TRIM9: variants seen among roughly 807,000 people sequenced by gnomAD.
TRIM9 encodes E3 ubiquitin-protein ligase TRIM9.
In TRIM9, 26 loss-of-function variants were observed where a neutral mutation model predicts 78.3. The observed-to-expected ratio is 0.33, with a 90% CI of 0.24 to 0.46. The LOEUF (loss-of-function observed/expected upper bound fraction) is 0.46. Among genes scored for constraint, TRIM9 ranks in the 20% least tolerant of loss-of-function variants. The pLI is 1.00. For missense variants in TRIM9, 787 were observed against 1,036.4 expected (o/e 0.76, Z 3.30); for synonymous variants, 398 against 416.5 (o/e 0.96, Z 0.54).
intron 1 of TRIM9, among the ~76,000 whole-genome samples, chr14:51,050,500 A>G (rs1403115493): frequency 6.6e-6 from 1 of 151,970 alleles, no homozygotes; most frequent in East Asian, 1.9e-4. Context: ...TTTCTTTATA[A>G]ATTACCCAGT....
intron 1 of TRIM9, among the ~76,000 whole-genome samples, chr14:51,042,300 T>C (rs774018282): frequency 5.2e-4 from 79 of 151,964 alleles, no homozygotes; most frequent in Admixed American, 1.2e-3. Context: ...TTTTGTGCAC[T>C]TCCCTTGTCC....
At chr14:51,027,315 T>C (rs750319131) in intron 1 of TRIM9, among the ~76,000 whole-genome samples, 1 of 152,044 alleles carries the variant, frequency 6.6e-6, no homozygotes, top group South Asian at 2.1e-4. Flanking sequence ...AGTGAACTTT[T>C]GTATTTTTAG....
At chr14:50,991,092 C>T (rs976729181) in intron 7 of TRIM9, among the ~76,000 whole-genome samples, 1 of 152,198 alleles carries the variant, frequency 6.6e-6, no homozygotes, top group Non-Finnish European at 1.5e-5. Context: ...ACCCCAAGGA[C>T]AGATGCATAC....
chr14:51,008,969 A>G (rs2056212589), intron 5 of TRIM9, 111 bp downstream of exon 5: 1 of 1,059,752 alleles, frequency 9.4e-7, no homozygotes, highest in Non-Finnish European at 1.4e-6. Flanking sequence ...TACATAAGTT[A>G]GAAGCCACTC....
At position 51,009,101 on chromosome 14, in the gene TRIM9, G is replaced by A; in HGVS notation, c.1285C>T (p.Leu429=). ...NSPLLQSIHQ[L]DFVQVKASSP... Reference sequence around the variant, plus strand: ...ATACCTTTCACTTGCACGAAATCCAGCTGGTGGATGGATTGCAGCAGAGGG... The same window carrying A: ...ATACCTTTCACTTGCACGAAATCCAACTGGTGGATGGATTGCAGCAGAGGG... Residue 429 remains leucine, a synonymous_variant, in exon 5 of 13, where the codon CTG becomes TTG. Coordinates refer to ENST00000684578, the MANE Select transcript of TRIM9 (RefSeq NM_001387360.1). 6.2e-7 allele frequency: 1 copy of A among 1,613,986 alleles called. No homozygotes were observed. The highest frequency in any genetic ancestry group is 8.5e-7 in the Non-Finnish European group (1 of 1,179,904).
chr14:50,983,076 T>C, intron 9 of TRIM9, 111 bp from the exon 10 acceptor site: 1 of 1,044,318 alleles, frequency 9.6e-7, no homozygotes. Flanking sequence ...GGACTCAATT[T>C]AAAATGCCAC....
At chr14:51,058,882 T>C (rs897776826) in intron 1 of TRIM9, among the ~76,000 whole-genome samples, 2 of 152,220 alleles carry the variant, frequency 1.3e-5, no homozygotes, top group African/African-American at 4.8e-5. Context: ...TAGTGAGTTA[T>C]ATTCTTAGCT....
intron 7 of TRIM9, chr14:50,997,197 G>A: frequency 5.1e-6 from 5 of 985,380 alleles, no homozygotes; most frequent in Non-Finnish European, 6.0e-6. Flanking sequence ...AATTTCATGT[G>A]TCTTGCTTAC....
At chr14:51,036,719 C>T (rs1037587792) in intron 1 of TRIM9, among the ~76,000 whole-genome samples, 9 of 152,260 alleles carry the variant, frequency 5.9e-5, no homozygotes, top group Admixed American at 2.0e-4. Context: ...AATCTATTTA[C>T]GCAGAACCCA....
intron 1 of TRIM9, among the ~76,000 whole-genome samples, chr14:51,050,041 C>T (rs768099748): frequency 3.0e-4 from 45 of 151,934 alleles, no homozygotes; most frequent in Middle Eastern, 3.4e-3. Context: ...GATGCAGAGC[C>T]GTGAGACAGT....
intron 1 of TRIM9, among the ~76,000 whole-genome samples, chr14:51,058,281 C>A (rs2061049868): frequency 6.6e-6 from 1 of 152,130 alleles, no homozygotes; most frequent in African/African-American, 2.4e-5. Context: ...ATCTGAACAT[C>A]CTTGAGCTAG....
chr14:51,060,809 T>C (rs999969062), intron 1 of TRIM9, among the ~76,000 whole-genome samples: 1 of 152,234 alleles, frequency 6.6e-6, no homozygotes, highest in Non-Finnish European at 1.5e-5. Flanking sequence ...TCTTACATGA[T>C]TGCATATACC....
chr14:51,047,698 A>T (rs1418488873), intron 1 of TRIM9, among the ~76,000 whole-genome samples: 1 of 152,184 alleles, frequency 6.6e-6, no homozygotes, highest in African/African-American at 2.4e-5. Flanking sequence ...AACAATCTGT[A>T]TCAGGTAAAA....
chr14:51,022,009 T>C (rs1427220899), intron 3 of TRIM9, among the ~76,000 whole-genome samples: 1 of 152,208 alleles, frequency 6.6e-6, no homozygotes, highest in East Asian at 1.9e-4. Flanking sequence ...TGCCTGTGTA[T>C]GGCCACCCTA....
rs142997233 is a variant in TRIM9 at position 51,018,777 on chromosome 14, C to T, written c.1041+4058G>A. Among the ~76,000 whole-genome samples the T allele has an allele frequency of 1.9e-3, 295 of 152,290 alleles. 1 individual carries two copies. The highest frequency in any genetic ancestry group is 6.9e-3 in the African/African-American group (288 of 41,556). On this transcript the variant is annotated intron_variant, in intron 3 of 12. Coordinates refer to ENST00000684578, the MANE Select transcript of TRIM9 (RefSeq NM_001387360.1). ...TGGTATGTTAAATTTACCAACCACACATGGAAACTGAAAGCTAGAATTTTT... is the reference window on the plus strand; with the variant it reads ...TGGTATGTTAAATTTACCAACCACATATGGAAACTGAAAGCTAGAATTTTT...
Position 51,000,801 on chromosome 14 carries a change from T to A in TRIM9, c.1346A>T (p.Glu449Val). ...GCTGTTGTTGTGGGTACAACATTCC[T>A]CCAGCTGTAGGATAGGGGTTGCTGG... The part of the protein sequence containing the change: ...PVPATPILQL[E>V]ECCTHNNSAT... Residue 449 changes from glutamate (E) to valine (V), a missense_variant, in exon 6 of 13, where the codon GAG becomes GTG. By Grantham distance (121) the Glu-to-Val change is moderately radical. Around this residue, in one of 3 missense-constraint regions of TRIM9, gnomAD observed 421 missense variants for 514.3 expected, o/e 0.82. Coordinates refer to ENST00000684578, the MANE Select transcript of TRIM9 (RefSeq NM_001387360.1). The A allele has an allele frequency of 6.2e-7, 1 of 1,614,176 alleles. No homozygotes were observed. The highest frequency in any genetic ancestry group is 8.5e-7 in the Non-Finnish European group (1 of 1,180,028).
chr14:51,064,960 G>A (rs1018574200), intron 1 of TRIM9, among the ~76,000 whole-genome samples: 5 of 152,254 alleles, frequency 3.3e-5, no homozygotes, highest in African/African-American at 1.2e-4. Flanking sequence ...GGTGAACTCT[G>A]ACTGGCTCCT....
chr14:51,029,097 G>C (rs551898461), intron 1 of TRIM9, among the ~76,000 whole-genome samples: 5 of 152,256 alleles, frequency 3.3e-5, no homozygotes, highest in Admixed American at 1.3e-4. Flanking sequence ...CCAGGCAGAA[G>C]ACAGTATCTT....
At position 51,011,854 on chromosome 14, in the gene TRIM9, T is replaced by C. The variant is rs577285737; in HGVS notation, c.1042-1360A>G. Among the ~76,000 whole-genome samples, 6 of 152,318 alleles carry C rather than the reference T, an allele frequency of 3.9e-5. No homozygotes were observed. The South Asian group carries it at 1.0e-3, about 26-fold the overall frequency. ...GTTGCAGTCATTGTATATGACAATT[T>C]TACCTTCCCTTTCCCCCAACTTAAT... On this transcript the variant is annotated intron_variant, in intron 3 of 12. Coordinates refer to ENST00000684578, the MANE Select transcript of TRIM9 (RefSeq NM_001387360.1).
Sources: gnomAD v4.1 joint callset for allele counts (sites outside exome capture counted in the v4.1 genomes callset) on GRCh38, gnomAD v4.1.1 for gene constraint, gnomAD v4.1.1 regional missense constraint, MANE v1.5 for transcripts, NCBI Gene and HGNC (gene_info 2026-07-23, HGNC 2026-07-21) for gene names.